PPP6R3: variants seen among roughly 807,000 people sequenced by gnomAD.
The protein encoded by PPP6R3 is protein phosphatase 6 regulatory subunit 3, also known as serine/threonine-protein phosphatase 6 regulatory subunit 3.
PPP6R3 carries 38 observed loss-of-function variants against 110.7 expected under a neutral mutation model. The ratio of observed to expected loss-of-function variants is 0.34; its 90% CI spans 0.26 to 0.45. The LOEUF is 0.45. Ranked by LOEUF, PPP6R3 falls within the 20% of genes least tolerant of loss-of-function variation. The pLI, the probability that PPP6R3 is intolerant of heterozygous loss-of-function variation, is 1.00. For synonymous variants in PPP6R3, 369 were observed against 373.5 expected, an observed-to-expected ratio of 0.99 and a Z score of 0.14; for missense variants, 870 against 1,062.4, an observed-to-expected ratio of 0.82 and a Z score of 2.52.
intron 19 of PPP6R3, among the ~76,000 whole-genome samples, chr11:68,598,632 C>T (rs992334714): frequency 2.6e-5 from 4 of 152,198 alleles, no homozygotes; most frequent in Non-Finnish European, 5.9e-5. Context: ...GTCTCTGTGG[C>T]TTCTGTTGGA....
chr11:68,478,544 C>A (rs1042140595), intron 1 of PPP6R3, among the ~76,000 whole-genome samples: 2 of 149,480 alleles, frequency 1.3e-5, no homozygotes, highest in Non-Finnish European at 3.0e-5. Context: ...CTTTCAAGCT[C>A]TTTTGTGGCC....
chr11:68,566,928 G>A (rs980307262), intron 9 of PPP6R3, 86 bp from the exon 10 acceptor site: 4 of 1,240,870 alleles, frequency 3.2e-6, no homozygotes, highest in Non-Finnish European at 4.4e-6. Context: ...TGTTTGCAGG[G>A]TTTAAACTAG....
At chr11:68,514,709 C>G (rs559365295) in intron 1 of PPP6R3, among the ~76,000 whole-genome samples, 7 of 152,078 alleles carry the variant, frequency 4.6e-5, no homozygotes, top group Non-Finnish European at 8.8e-5. Context: ...CTCAGGCTCC[C>G]AAGTAGCTGG....
At chr11:68,466,659 C>G (rs1432792626) in intron 1 of PPP6R3, among the ~76,000 whole-genome samples, 29 of 151,816 alleles carry the variant, frequency 1.9e-4, no homozygotes, top group Admixed American at 1.9e-3. Context: ...GTCGCCCGGG[C>G]TGGAGTGCAG....
chr11:68,477,576 A>G (rs2153345062), intron 1 of PPP6R3, among the ~76,000 whole-genome samples: 1 of 151,526 alleles, frequency 6.6e-6, no homozygotes, highest in East Asian at 1.9e-4. Flanking sequence ...AATTTAAAAA[A>G]TTAGGTTGGT....
chr11:68,605,440 G>C (rs1432070111), intron 22 of PPP6R3, among the ~76,000 whole-genome samples: 2 of 152,168 alleles, frequency 1.3e-5, no homozygotes, highest in Non-Finnish European at 2.9e-5. Flanking sequence ...AATTCAATGA[G>C]GAAAGAGTGG....
chr11:68,565,466 G>T (rs1224460273), intron 9 of PPP6R3, among the ~76,000 whole-genome samples: 3 of 151,840 alleles, frequency 2.0e-5, no homozygotes, highest in African/African-American at 7.3e-5. Context: ...TGACAATGAT[G>T]GTCAGTGGCA....
chr11:68,481,856 T>C (rs1443336134), intron 1 of PPP6R3, among the ~76,000 whole-genome samples: 1 of 152,158 alleles, frequency 6.6e-6, no homozygotes, highest in African/African-American at 2.4e-5. Flanking sequence ...TTTATATGTG[T>C]TACTTTTAAC....
chr11:68,611,022 TA>T (rs1411209957), intron 23 of PPP6R3, among the ~76,000 whole-genome samples: 1 of 152,196 alleles, frequency 6.6e-6, no homozygotes, highest in Non-Finnish European at 1.5e-5. Context: ...TGATTAGAAA[TA>T]TTTTTTTTGC....
chr11:68,467,415 G>A (rs1591497410), intron 1 of PPP6R3, among the ~76,000 whole-genome samples: 1 of 152,352 alleles, frequency 6.6e-6, no homozygotes, highest in East Asian at 1.9e-4. Context: ...GAACATTAGA[G>A]AGCAGGACTA....
chr11:68,612,826 T>G (rs1944263899), intron 23 of PPP6R3: 1 of 693,814 alleles, frequency 1.4e-6, no homozygotes, highest in Admixed American at 3.2e-5. Flanking sequence ...TCCCAGAGCA[T>G]TTGCTCTGCT....
At chr11:68,510,208 C>G in intron 1 of PPP6R3, among the ~76,000 whole-genome samples, 1 of 151,538 alleles carries the variant, frequency 6.6e-6, no homozygotes, top group East Asian at 1.9e-4. Context: ...TACACCTGGC[C>G]TATTTTATTT....
chr11:68,613,264 A>G lies in PPP6R3; in HGVS notation c.*147A>G, dbSNP rs780724691. The G allele has an allele frequency of 3.5e-6, 5 of 1,420,550 alleles. No individual in the cohort carries two copies. The highest frequency in any genetic ancestry group is 4.6e-6 in the Non-Finnish European group (5 of 1,090,304). 88.0% of individuals were successfully genotyped at this position (1,420,550 alleles called of 1,614,324 possible). On this transcript the variant is annotated 3_prime_UTR_variant, in exon 24 of 24. Coordinates refer to ENST00000393800, the MANE Select transcript of PPP6R3 (RefSeq NM_001164161.2). The stretch of plus-strand genomic sequence containing the variant: ...CAGCAACCTTTATATTCTAGATTCT[A>G]AGACATTGTACAGAGAAATTCAGAA...
At chr11:68,466,719 TCTC>T (rs2098749614) in intron 1 of PPP6R3, among the ~76,000 whole-genome samples, 1 of 152,160 alleles carries the variant, frequency 6.6e-6, no homozygotes, top group African/African-American at 2.4e-5. Flanking sequence ...TTCACACCAT[TCTC>T]CTGCCTCAGC....
intron 1 of PPP6R3, among the ~76,000 whole-genome samples, chr11:68,492,994 T>C (rs1035983272): frequency 6.6e-6 from 1 of 152,200 alleles, no homozygotes; most frequent in Non-Finnish European, 1.5e-5. Flanking sequence ...TTTTCCACAC[T>C]GTTTCTTGGG....
At chr11:68,485,338 A>T (rs1175791060) in intron 1 of PPP6R3, among the ~76,000 whole-genome samples, 3 of 147,984 alleles carry the variant, frequency 2.0e-5, no homozygotes, top group African/African-American at 7.5e-5. Context: ...CAACAAAGAC[A>T]GTTTTATTTT....
intron 1 of PPP6R3, among the ~76,000 whole-genome samples, chr11:68,519,009 C>G (rs1416066138): frequency 6.6e-6 from 1 of 152,160 alleles, no homozygotes; most frequent in African/African-American, 2.4e-5. Context: ...TTAATTGACA[C>G]TAGAGACTGA....
chr11:68,499,834 A>G (rs940907407), intron 1 of PPP6R3, among the ~76,000 whole-genome samples: 1 of 152,100 alleles, frequency 6.6e-6, no homozygotes, highest in East Asian at 1.9e-4. Flanking sequence ...CGGCCCTCCA[A>G]AGTGCTAGGG....
chr11:68,483,767 C>A (rs1216886485), intron 1 of PPP6R3, among the ~76,000 whole-genome samples: 2 of 152,184 alleles, frequency 1.3e-5, no homozygotes, highest in Non-Finnish European at 2.9e-5. Context: ...CAGGCGTGAG[C>A]CACTGTGCCC....
Sources: gnomAD v4.1 joint callset for allele counts (sites outside exome capture counted in the v4.1 genomes callset) on GRCh38, gnomAD v4.1.1 for gene constraint, MANE v1.5 for transcripts, NCBI Gene and HGNC (gene_info 2026-07-23, HGNC 2026-07-21) for gene names.